Variants in EPHA5 observed in about 807,000 individuals in gnomAD.
EPHA5 encodes EPH receptor A5.
Under a neutral mutation model 105.0 loss-of-function variants are expected in EPHA5, and 60 were observed. The ratio of observed to expected loss-of-function variants is 0.57; its 90% confidence interval spans 0.46 to 0.71. The LOEUF (loss-of-function observed/expected upper bound fraction) is 0.71, where lower values mean the gene tolerates loss of function less well. Among genes scored for constraint, EPHA5 ranks in the 30% least tolerant of loss-of-function variants. The probability of loss-of-function intolerance (pLI) is 0.00; values close to 1 mark genes in which losing one functional copy is unlikely to be tolerated. For synonymous variants in EPHA5, 513 were observed against 449.1 expected (o/e 1.14, Z -1.80); for missense variants, 1,218 against 1,274.7 (o/e 0.96, Z 0.68).
At chr4:65,496,406 A>C (rs1731944327) in intron 3 of EPHA5, among the ~76,000 whole-genome samples, 1 of 128,172 alleles carries the variant, frequency 7.8e-6, no homozygotes, top group African/African-American at 3.0e-5. Flanking sequence ...CAGGCCCCAG[A>C]GTGTGATATT....
intron 3 of EPHA5, among the ~76,000 whole-genome samples, chr4:65,555,713 T>A (rs1738369806): frequency 6.7e-6 from 1 of 150,076 alleles, no homozygotes; most frequent in Non-Finnish European, 1.5e-5. Context: ...TGACAGTAAT[T>A]GATTAGTGTG....
At chr4:65,648,175 CT>C (rs1748292254) in intron 1 of EPHA5, among the ~76,000 whole-genome samples, 1 of 152,162 alleles carries the variant, frequency 6.6e-6, no homozygotes, top group Non-Finnish European at 1.5e-5. Context: ...AAGAAGATTC[CT>C]AAATCCTCAA....
intron 11 of EPHA5, among the ~76,000 whole-genome samples, chr4:65,357,907 A>T (rs1350431108): frequency 6.6e-6 from 1 of 151,390 alleles, no homozygotes; most frequent in Non-Finnish European, 1.5e-5. Context: ...TCCATCACAA[A>T]TCTCCAAAAG....
At chr4:65,387,042 G>A (rs370562406) in intron 8 of EPHA5, among the ~76,000 whole-genome samples, 4 of 151,964 alleles carry the variant, frequency 2.6e-5, no homozygotes, top group African/African-American at 9.6e-5. Flanking sequence ...TAAGGACGTG[G>A]CCATTAATCT....
intron 12 of EPHA5, among the ~76,000 whole-genome samples, 199 bp downstream of exon 12, chr4:65,352,843 G>T (rs1722948388): frequency 1.3e-5 from 2 of 148,858 alleles, no homozygotes; most frequent in Non-Finnish European, 1.5e-5. Flanking sequence ...ATATAATTTG[G>T]ATTTGTGTGA....
intron 3 of EPHA5, among the ~76,000 whole-genome samples, chr4:65,531,780 G>C (rs1052945350): frequency 2.0e-5 from 3 of 152,200 alleles, no homozygotes; most frequent in Admixed American, 6.5e-5. Flanking sequence ...GGAATCTGAT[G>C]ATAAAGAGGT....
intron 3 of EPHA5, among the ~76,000 whole-genome samples, chr4:65,570,953 A>C (rs936463049): frequency 2.0e-5 from 3 of 152,000 alleles, no homozygotes; most frequent in Non-Finnish European, 4.4e-5. Flanking sequence ...ACTGGGCATA[A>C]TATGACCAGA....
chr4:65,483,593 G>A (rs181887568), intron 5 of EPHA5, among the ~76,000 whole-genome samples: 47 of 152,228 alleles, frequency 3.1e-4, no homozygotes, highest in Admixed American at 1.3e-3. Flanking sequence ...ATTGAATACT[G>A]CCTTCAAGCT....
intron 8 of EPHA5, chr4:65,377,006 G>T (rs748972919): frequency 1.2e-6 from 2 of 1,607,902 alleles, no homozygotes; most frequent in East Asian, 2.2e-5. Flanking sequence ...ACCATATTAG[G>T]CTTGGATGGG....
In EPHA5 at chr4:65,598,297, A is replaced by T. The variant is rs775292934; in HGVS notation, c.910+3344T>A. On this transcript the variant is annotated intron_variant, in intron 3 of 16. Transcript: ENST00000613740. ...CTGAGAGTCTTAGAACTAAGAAATG[A>T]TTAAGTTAAAAGACATATCCATCAA... is the stretch of plus-strand genomic sequence containing the variant. 3.9e-5 allele frequency among the ~76,000 whole-genome samples: 6 copies of T among 152,302 alleles called. No individual in the cohort carries two copies. The East Asian group carries it at 1.2e-3, about 29-fold the overall frequency.
At chr4:65,404,742 G>T (rs1722193070) in intron 7 of EPHA5, among the ~76,000 whole-genome samples, 1 of 152,136 alleles carries the variant, frequency 6.6e-6, no homozygotes, top group Non-Finnish European at 1.5e-5. Flanking sequence ...AATGCATGTT[G>T]TTTGCATAGT....
At chr4:65,663,928 A>G (rs1166067985) in intron 1 of EPHA5, among the ~76,000 whole-genome samples, 1 of 151,962 alleles carries the variant, frequency 6.6e-6, no homozygotes, top group East Asian at 1.9e-4. Context: ...ATCAGATTCT[A>G]TTTTTGTAAA....
At chr4:65,542,708 C>A (rs1172045150) in intron 3 of EPHA5, among the ~76,000 whole-genome samples, 1 of 151,762 alleles carries the variant, frequency 6.6e-6, no homozygotes, top group Non-Finnish European at 1.5e-5. Context: ...GGACTCCTCC[C>A]TAACTCATTT....
chr4:65,377,981 T>C (rs1163159073), intron 8 of EPHA5, among the ~76,000 whole-genome samples: 1 of 151,960 alleles, frequency 6.6e-6, no homozygotes, highest in African/African-American at 2.4e-5. Flanking sequence ...TCATTTAAAA[T>C]CTGTTTTGAA....
At chr4:65,509,783 T>A (rs1184333934) in intron 3 of EPHA5, among the ~76,000 whole-genome samples, 1 of 152,148 alleles carries the variant, frequency 6.6e-6, no homozygotes, top group African/African-American at 2.4e-5. Context: ...CTACACTGAT[T>A]CAGATCATTT....
intron 16 of EPHA5, among the ~76,000 whole-genome samples, chr4:65,327,444 G>T (rs1229037965): frequency 6.6e-6 from 1 of 151,048 alleles, no homozygotes; most frequent in Admixed American, 6.6e-5. Context: ...CTCCCCAGCG[G>T]AGAAATGGAA....
intron 3 of EPHA5, among the ~76,000 whole-genome samples, chr4:65,563,591 C>T (rs1739241641): frequency 6.6e-6 from 1 of 151,960 alleles, no homozygotes; most frequent in Non-Finnish European, 1.5e-5. Context: ...AGATATTACT[C>T]TAATGGGAAG....
intron 3 of EPHA5, among the ~76,000 whole-genome samples, chr4:65,501,723 T>A (rs1470233413): frequency 6.6e-6 from 1 of 151,616 alleles, no homozygotes; most frequent in African/African-American, 2.4e-5. Flanking sequence ...AAACTACTGA[T>A]ATCATTTTCA....
At chr4:65,476,809 C>T (rs1729865716) in intron 5 of EPHA5, among the ~76,000 whole-genome samples, 1 of 151,952 alleles carries the variant, frequency 6.6e-6, no homozygotes, top group Non-Finnish European at 1.5e-5. Context: ...GCTATAATGC[C>T]TTATTTCAGG....
Sources: gnomAD v4.1 joint callset for allele counts (sites outside exome capture counted in the v4.1 genomes callset) on GRCh38, gnomAD v4.1.1 for gene constraint, MANE v1.5 for transcripts, NCBI Gene and HGNC (gene_info 2026-07-23, HGNC 2026-07-21) for gene names.